The following WASHC3 variants were observed in gnomAD, a reference collection of about 807,000 sequenced individuals.
The protein encoded by WASHC3 is WASH complex subunit 3.
A neutral mutation model predicts 26.1 loss-of-function variants in WASHC3; 24 were observed. That is an observed-to-expected ratio of 0.92 (90% confidence interval 0.66 to 1.29). The LOEUF is 1.29. WASHC3 is among the 50% of genes most tolerant of loss of function. The probability of loss-of-function intolerance (pLI) is 0.00; values close to 1 mark genes in which losing one functional copy is unlikely to be tolerated. For synonymous variants in WASHC3, 77 were observed against 75.7 expected (o/e 1.02, Z -0.09); for missense variants, 214 against 229.6 (o/e 0.93, Z 0.44).
At chr12:102,037,993 C>T (rs1877748463) in intron 5 of WASHC3, among the ~76,000 whole-genome samples, 1 of 152,022 alleles carries the variant, frequency 6.6e-6, no homozygotes, top group Admixed American at 6.5e-5. Context: ...CAAGGTTTCT[C>T]CATGTTGGTC....
At chr12:102,013,691 G>T (rs1326617287) in intron 6 of WASHC3, among the ~76,000 whole-genome samples, 3 of 152,214 alleles carry the variant, frequency 2.0e-5, no homozygotes, top group African/African-American at 7.2e-5. Flanking sequence ...TGTAGCGAAG[G>T]AGAGTGCCTG....
chr12:102,050,627 A>T (rs1218185777), intron 2 of WASHC3: 1 of 450,738 alleles, frequency 2.2e-6, no homozygotes, highest in East Asian at 7.1e-5. Context: ...TCGGTGATAC[A>T]GCAAGACCCC....
At chr12:102,059,650 G>A (rs998851005) in intron 2 of WASHC3, 1 of 152,194 alleles carries the variant, frequency 6.6e-6, no homozygotes, top group African/African-American at 2.4e-5. Context: ...GCTCAAACAA[G>A]TTGCTTTCAT....
At chr12:102,044,990 T>C (rs567399816) in intron 3 of WASHC3, among the ~76,000 whole-genome samples, 4 of 152,278 alleles carry the variant, frequency 2.6e-5, no homozygotes, top group African/African-American at 9.6e-5. Flanking sequence ...AACTTGTCCA[T>C]ATGGTCATTT....
At chr12:102,043,602 C>T (rs1363222346) in intron 4 of WASHC3, 2 of 152,254 alleles carry the variant, frequency 1.3e-5, no homozygotes, top group Non-Finnish European at 2.9e-5. Context: ...ATGATAAAGG[C>T]ATTTATATAA....
intron 6 of WASHC3, among the ~76,000 whole-genome samples, chr12:102,025,378 T>C (rs1877131054): frequency 6.6e-6 from 1 of 152,108 alleles, no homozygotes; most frequent in Non-Finnish European, 1.5e-5. Context: ...TTTTTTTTTA[T>C]CATTTCTCAA....
At chr12:102,026,498 A>G (rs941219760) in intron 5 of WASHC3, among the ~76,000 whole-genome samples, 1 of 152,204 alleles carries the variant, frequency 6.6e-6, no homozygotes, top group Admixed American at 6.5e-5. Flanking sequence ...ATTCCATTTG[A>G]ACACTTTAGA....
chr12:102,042,341 A>ATAT (rs974050799), intron 4 of WASHC3, among the ~76,000 whole-genome samples: 6 of 152,274 alleles, frequency 3.9e-5, no homozygotes, highest in South Asian at 2.1e-4. Context: ...TTTATTACCC[A>ATAT]AATATATACT....
chr12:102,022,979 A>G (rs569281196), intron 6 of WASHC3, among the ~76,000 whole-genome samples: 99 of 144,144 alleles, frequency 6.9e-4, no homozygotes, highest in Middle Eastern at 3.5e-3. Flanking sequence ...GTGGTACTGA[A>G]ATTAATTTTT....
At chr12:102,025,922 G>T in intron 6 of WASHC3, 52 bp downstream of exon 6, 2 of 897,280 alleles carry the variant, frequency 2.2e-6, no homozygotes, top group South Asian at 1.5e-5. Context: ...TATTATAACT[G>T]ACAAATTCAA....
At chr12:102,028,522 T>A (rs1214590817) in intron 5 of WASHC3, among the ~76,000 whole-genome samples, 1 of 151,678 alleles carries the variant, frequency 6.6e-6, no homozygotes, top group Admixed American at 6.6e-5. Context: ...TTTAGCATAA[T>A]CCACAGGACG....
intron 2 of WASHC3, chr12:102,059,585 C>T (rs1336997102): frequency 1.3e-5 from 2 of 152,082 alleles, no homozygotes; most frequent in African/African-American, 4.8e-5. Context: ...AAACAGCTCT[C>T]ATTCAAGAAC....
chr12:102,047,970 C>T (rs1329086105), intron 2 of WASHC3, among the ~76,000 whole-genome samples: 2 of 152,050 alleles, frequency 1.3e-5, no homozygotes, highest in Admixed American at 6.5e-5. Context: ...GAACTCAAAC[C>T]CTCCAACTCC....
intron 2 of WASHC3, among the ~76,000 whole-genome samples, chr12:102,060,956 CAAAAAA>C (rs56001519): frequency 0.25 from 13,832 of 55,010 alleles, 499 homozygotes; most frequent in Non-Finnish European, 0.32. Context: ...CCCTGTCTCA[CAAAAAA>C]AAAAAAAAAA....
At chr12:102,037,237 G>C (rs962135213) in intron 5 of WASHC3, among the ~76,000 whole-genome samples, 1 of 152,158 alleles carries the variant, frequency 6.6e-6, no homozygotes, top group African/African-American at 2.4e-5. Context: ...ACAGGACTAT[G>C]TACAAGGTAT....
At chr12:102,061,144 G>C in intron 2 of WASHC3, 104 bp downstream of exon 2, 2 of 738,480 alleles carry the variant, frequency 2.7e-6, no homozygotes, top group Non-Finnish European at 4.7e-6. Flanking sequence ...GAGAGGTCAC[G>C]GTACATGAAT....
Position 102,046,069 on chromosome 12 carries a change from A to G in WASHC3, c.201T>C (p.Asn67=), listed in dbSNP as rs985250381. 1.9e-6 allele frequency: 3 copies of G among 1,592,652 alleles called. No homozygotes were observed. Among genetic ancestry groups the G allele is most frequent in the Non-Finnish European group, 2.6e-6 (3 of 1,165,564 alleles). The part of the protein sequence containing the change: ...LRIQQIETTL[N]ILDAKLSSIP... ...AAATACCAACCTTTGCATCTAAAATATTGAGAGTTGTTTCAATTTGTTGGA... is the reference window on the plus strand; with the variant it reads ...AAATACCAACCTTTGCATCTAAAATGTTGAGAGTTGTTTCAATTTGTTGGA... The change falls in exon 3 of 7, where the codon AAT becomes AAC. Residue 67 remains asparagine (N), a synonymous_variant. Coordinates refer to ENST00000240079, the MANE Select transcript of WASHC3 (RefSeq NM_016053.4).
chr12:102,062,062 C>A, upstream of WASHC3: 2 of 1,031,246 alleles, frequency 1.9e-6, no homozygotes, highest in Non-Finnish European at 2.9e-6. Flanking sequence ...CCCAAGTGCC[C>A]GCCTCCGGGG....
At chr12:102,038,343 A>T (rs1040595850) in intron 5 of WASHC3, among the ~76,000 whole-genome samples, 1 of 152,250 alleles carries the variant, frequency 6.6e-6, no homozygotes, top group African/African-American at 2.4e-5. Context: ...ACAATTATCA[A>T]GAATTTAACA....
Sources: gnomAD v4.1 joint callset for allele counts (sites outside exome capture counted in the v4.1 genomes callset) on GRCh38, gnomAD v4.1.1 for gene constraint, MANE v1.5 for transcripts, NCBI Gene and HGNC (gene_info 2026-07-23, HGNC 2026-07-21) for gene names.